SPTBN2: variants seen among roughly 807,000 people sequenced by gnomAD.
SPTBN2 encodes the protein spectrin beta, non-erythrocytic 2, also known as spectrin beta chain, non-erythrocytic 2.
SPTBN2 carries 107 observed loss-of-function variants against 284.2 expected under a neutral mutation model. That is an observed-to-expected ratio of 0.38 (90% confidence interval 0.32 to 0.44). The LOEUF is 0.44. SPTBN2 is among the 20% of genes least tolerant of loss of function. The pLI, the probability that SPTBN2 is intolerant of heterozygous loss-of-function variation, is 1.00. For synonymous variants in SPTBN2, 1,289 were observed against 1,354.8 expected, an observed-to-expected ratio of 0.95 and a Z score of 1.07; for missense variants, 2,569 against 3,287.1, an observed-to-expected ratio of 0.78 and a Z score of 5.34.
rs764407421 is a variant in SPTBN2, at chr11:66,688,301, C to T, written c.6242G>A (p.Arg2081Gln). 445 of 1,594,780 alleles carry T rather than the reference C, an allele frequency of 2.8e-4. No individual in the cohort carries two copies. Among genetic ancestry groups the T allele is most frequent in the Admixed American group, 6.0e-4 (34 of 56,928 alleles). ...ALEKLTALEE[R>Q]EKERKRKREE... ...CCTCTTTCTCTTTCGCTCCTTCTCC[C>T]GCTCCTCTAGCTGTCAAAAAATGCT... Residue 2081 changes from arginine to glutamine, a missense_variant, in exon 32 of 38, where the codon CGG becomes CAG. Transcript: ENST00000533211.
Position 66,710,531 on chromosome 11 carries a change from C to T in SPTBN2, c.1073+51G>A. On this transcript the variant is annotated intron_variant, in intron 10 of 37. Coordinates refer to ENST00000533211, the MANE Select transcript of SPTBN2 (RefSeq NM_006946.4). This position sits in a 1 kb window ranked among gnomAD's most constrained non-coding sequence, Gnocchi z 4.9. ...CTGAAGGCTGTGCTAATTTAGGCTTCCTCTCGTGGGAGCACAGCTCAGGGA... is the reference window on the plus strand; with the variant it reads ...CTGAAGGCTGTGCTAATTTAGGCTTTCTCTCGTGGGAGCACAGCTCAGGGA... 6.3e-7 allele frequency: 1 copy of T among 1,588,498 alleles called. No individual in the cohort carries two copies. The highest frequency in any genetic ancestry group is 1.1e-5 in the South Asian group (1 of 88,124).
chr11:66,698,476 C>T (rs1330745314), intron 20 of SPTBN2, among the ~76,000 whole-genome samples, 163 bp downstream of exon 20: 1 of 152,246 alleles, frequency 6.6e-6, no homozygotes, highest in African/African-American at 2.4e-5. Flanking sequence ...TCTTTGTCTC[C>T]AACAAAGACG....
chr11:66,698,818 G>A, intron 19 of SPTBN2, 33 bp from the exon 20 acceptor site: 1 of 1,611,996 alleles, frequency 6.2e-7, no homozygotes, highest in Non-Finnish European at 8.5e-7. Flanking sequence ...ACATTTCCAA[G>A]GGAGGGGAGA....
At chr11:66,717,281 T>C (rs188356360) in intron 3 of SPTBN2, among the ~76,000 whole-genome samples, 19 of 152,268 alleles carry the variant, frequency 1.2e-4, no homozygotes, top group Admixed American at 1.2e-3. Context: ...AGTGACAAAG[T>C]GAAAGCATCA....
rs777143650 is a variant in SPTBN2 at position 66,688,068 on chromosome 11, C to A, written c.6386G>T (p.Arg2129Leu). Reference protein sequence around the residue: ...SDTTWDGTQPRPPPSTQAPSV... With the variant: ...SDTTWDGTQPLPPPSTQAPSV... ...GGGTGCTTGTGTGGATGGTGGTGGC[C>A]GTGGCTGGGTTCTGGGATGACCAAA... is the stretch of plus-strand genomic sequence containing the variant. Residue 2129 changes from arginine (R) to leucine (L), a missense_variant, in exon 33 of 38, where the codon CGG becomes CTG. By Grantham distance (102) the Arg-to-Leu change is moderately radical (BLOSUM62 -2). This residue lies in a region of SPTBN2 where 1,130 missense variants were observed against 1,317.3 expected (regional missense o/e 0.86). Coordinates refer to ENST00000533211, the MANE Select transcript of SPTBN2 (RefSeq NM_006946.4). The A allele has an allele frequency of 2.5e-6, 4 of 1,614,066 alleles. No homozygotes were observed. In the Admixed American group the frequency reaches 5.0e-5, roughly 20 times the overall value.
intron 3 of SPTBN2, among the ~76,000 whole-genome samples, 173 bp downstream of exon 3, chr11:66,720,911 G>A (rs1004131172): frequency 6.6e-6 from 1 of 152,086 alleles, no homozygotes; most frequent in African/African-American, 2.4e-5. Context: ...AGTTCTGAAT[G>A]GCCTGGAGCC....
chr11:66,684,092 A>C lies in SPTBN2; in HGVS notation c.*1779T>G, dbSNP rs548344. Among the ~76,000 whole-genome samples, 149,842 of 152,332 alleles carry C rather than the reference A, an allele frequency of 0.98. 73,744 individuals carry two copies. The highest frequency in any genetic ancestry group is 1 in the East Asian group (5,188 of 5,188). On this transcript the variant is annotated 3_prime_UTR_variant, in exon 38 of 38. Transcript: ENST00000533211. The stretch of plus-strand genomic sequence containing the variant: ...GCTAGTTCTGGGCCTGCACACACCT[A>C]ACTCGGTCTTCGTCATGACTGATGA...
chr11:66,698,425 C>T lies in SPTBN2; in HGVS notation c.4014+214G>A, dbSNP rs149936146. Among the ~76,000 whole-genome samples the T allele has an allele frequency of 1.6e-4, 24 of 152,356 alleles. No homozygotes were observed. The East Asian group carries it at 4.2e-3, about 27-fold the overall frequency. The stretch of plus-strand genomic sequence containing the variant: ...ATCCAGGCTGCAGTTTCGCTACCTG[C>T]TAATTTGTACTTTATCAAGGTTCTG... On this transcript the variant is annotated intron_variant, in intron 20 of 37. Transcript: ENST00000533211.
intron 37 of SPTBN2, 35 bp downstream of exon 37, chr11:66,686,363 G>T (rs1373253817): frequency 6.2e-7 from 1 of 1,613,610 alleles, no homozygotes; most frequent in South Asian, 1.1e-5. Context: ...CTTCTGGAAT[G>T]GCACGGACAG....
rs114396067 is a variant in SPTBN2 at position 66,684,429 on chromosome 11, T to C, written c.*1442A>G. Among the ~76,000 whole-genome samples the C allele has an allele frequency of 0.02, 3,020 of 152,182 alleles. 115 individuals carry two copies. The highest frequency in any genetic ancestry group is 0.068 in the African/African-American group (2,819 of 41,506). ...TGAGAGAATCACTTGGGCCCAGGAA[T>C]TCGAGACCGACCTGGGCAACATAGT... On this transcript the variant is annotated 3_prime_UTR_variant, in exon 38 of 38. Transcript: ENST00000533211.
In SPTBN2 at chr11:66,710,577, C is replaced by T. The variant is rs375955100; in HGVS notation, c.1073+5G>A. The stretch of plus-strand genomic sequence containing the variant: ...AGGGAAGGGTGGGGCCCCAGGGACA[C>T]CTACTTGGGCGGCTTCTCCACGGTG... On this transcript the variant is annotated splice_donor_5th_base_variant and intron_variant, in intron 10 of 37. Coordinates refer to ENST00000533211, the MANE Select transcript of SPTBN2 (RefSeq NM_006946.4). This position sits in a 1 kb window ranked among gnomAD's most constrained non-coding sequence, Gnocchi z 4.9. 17 of 1,613,172 alleles carry T rather than the reference C, an allele frequency of 1.1e-5. No homozygotes were observed. The highest frequency in any genetic ancestry group is 2.2e-5 in the South Asian group (2 of 90,860).
Position 66,704,676 on chromosome 11 carries a change from C to G in SPTBN2, c.2600G>C (p.Trp867Ser). The G allele has an allele frequency of 1.2e-6, 2 of 1,611,054 alleles. No homozygotes were observed. The highest frequency in any genetic ancestry group is 1.7e-6 in the Non-Finnish European group (2 of 1,179,132). ...MLSEAGACGL[W>S]VEEKEQWLNG... Reference sequence around the variant, plus strand: ...GAGCCACTGCTCCTTCTCCTCCACCCAGAGTCCACAGGCCCCGGCCTCGCT... The same window carrying G: ...GAGCCACTGCTCCTTCTCCTCCACCGAGAGTCCACAGGCCCCGGCCTCGCT... The change falls in exon 15 of 38, where the codon TGG becomes TCG. Residue 867 changes from tryptophan (W) to serine (S), a missense_variant. Physicochemically the swap from Trp to Ser is radical, Grantham distance 177. Coordinates refer to ENST00000533211, the MANE Select transcript of SPTBN2 (RefSeq NM_006946.4).
chr11:66,703,219 A>G (rs976398970), intron 15 of SPTBN2, among the ~76,000 whole-genome samples: 1 of 151,416 alleles, frequency 6.6e-6, no homozygotes, highest in Non-Finnish European at 1.5e-5. Context: ...AGCTGGGACT[A>G]CAGGCGCCTG....
rs551832133 is a variant in SPTBN2, at chr11:66,687,271, C to T, written c.6723-104G>A. The T allele has an allele frequency of 4.6e-5, 72 of 1,566,922 alleles. No homozygotes were observed. The highest frequency in any genetic ancestry group is 2.0e-4 in the African/African-American group (15 of 74,146). The stretch of plus-strand genomic sequence containing the variant: ...CAGTTCTGCTCCCATCTTTAGGCCA[C>T]GGTCTTCACACCCTCTGGTCCTCCC... On this transcript the variant is annotated intron_variant, in intron 35 of 37. Transcript: ENST00000533211. This position sits in a 1 kb window ranked among gnomAD's most constrained non-coding sequence, Gnocchi z 5.2.
chr11:66,692,165 G>A (rs1252759922), intron 26 of SPTBN2, among the ~76,000 whole-genome samples: 2 of 152,076 alleles, frequency 1.3e-5, no homozygotes, highest in African/African-American at 4.8e-5. Flanking sequence ...CGACCTCCCA[G>A]GCTCAAGAGA....
Position 66,719,629 on chromosome 11 carries a change from T to G in SPTBN2, c.157+1455A>C, listed in dbSNP as rs1027915559. ...GTGCAGCCAGACATGGTGACAGTCC[T>G]GGGTGGCATGTGTCCTATGTACACA... On this transcript the variant is annotated intron_variant, in intron 3 of 37. Coordinates refer to ENST00000533211, the MANE Select transcript of SPTBN2 (RefSeq NM_006946.4). Among the ~76,000 whole-genome samples the G allele has an allele frequency of 2.6e-5, 4 of 152,150 alleles. No homozygotes were observed. The East Asian group carries it at 7.7e-4, about 29-fold the overall frequency.
chr11:66,717,527 C>A (rs951461814), intron 3 of SPTBN2, among the ~76,000 whole-genome samples: 1 of 152,208 alleles, frequency 6.6e-6, no homozygotes, highest in African/African-American at 2.4e-5. Flanking sequence ...ATACTGGCAC[C>A]AAACCTGGGG....
rs190556514 is a variant in SPTBN2 at position 66,722,296 on chromosome 11, T to C, written c.-113-856A>G. ...GCTGCACAAAAGATATTAAGTTGGC[T>C]GGGCGCGGTGTCTCACGCCTGTAAT... On this transcript the variant is annotated intron_variant, in intron 1 of 37. Coordinates refer to ENST00000533211, the MANE Select transcript of SPTBN2 (RefSeq NM_006946.4). Among the ~76,000 whole-genome samples the C allele has an allele frequency of 2.6e-3, 391 of 152,210 alleles. 3 individuals are homozygous for C. The highest frequency in any genetic ancestry group is 5.5e-3 in the African/African-American group (228 of 41,516).
rs762146913 is a variant in SPTBN2 at position 66,691,469 on chromosome 11, C to A, written c.5380G>T (p.Gly1794Cys). The A allele has an allele frequency of 6.2e-7, 1 of 1,611,760 alleles. No homozygotes were observed. Among genetic ancestry groups the A allele is most frequent in the Non-Finnish European group, 8.5e-7 (1 of 1,179,964 alleles). The change falls in exon 27 of 38, where the codon GGT becomes TGT. Residue 1794 changes from glycine (G) to cysteine (C), a missense_variant. Around this residue, in one of 6 missense-constraint regions of SPTBN2, gnomAD observed 1,130 missense variants for 1,317.3 expected, o/e 0.86. Coordinates refer to ENST00000533211, the MANE Select transcript of SPTBN2 (RefSeq NM_006946.4). This position sits in a 1 kb window ranked among gnomAD's most constrained non-coding sequence, Gnocchi z 8.0. ...TCGTACGCCGCGGCCAGCACCTGAC[C>A]CCGTGTGTCCAGCAGCTCAAGCAGG... ...ADLLELLDTR[G>C]QVLAAAYELQ...
Sources: gnomAD v4.1 joint callset for allele counts (sites outside exome capture counted in the v4.1 genomes callset) on GRCh38, gnomAD v4.1.1 for gene constraint, gnomAD v4.1.1 regional missense constraint, Gnocchi (gnomAD v3.1) non-coding constraint, MANE v1.5 for transcripts, NCBI Gene and HGNC (gene_info 2026-07-23, HGNC 2026-07-21) for gene names.